The following AQR variants were observed in gnomAD, a reference collection of about 807,000 sequenced individuals.
AQR encodes aquarius intron-binding spliceosomal factor, also known as RNA helicase aquarius.
AQR carries 61 observed loss-of-function variants against 180.5 expected under a neutral mutation model. The ratio of observed to expected loss-of-function variants is 0.34; its 90% confidence interval spans 0.28 to 0.42. AQR has a LOEUF of 0.42. Among genes scored for constraint, AQR ranks in the 10% least tolerant of loss-of-function variants. The pLI, the probability that AQR is intolerant of heterozygous loss-of-function variation, is 1.00. For missense variants in AQR, 1,281 were observed against 1,798.3 expected (o/e 0.71, Z 5.20); for synonymous variants, 551 against 588.8 (o/e 0.94, Z 0.93).
chr15:34,874,224 T>A (rs1382696497), intron 29 of AQR: 1 of 417,292 alleles, frequency 2.4e-6, no homozygotes, highest in Non-Finnish European at 4.2e-6. Flanking sequence ...TCTATTACGC[T>A]CTCTGAGGTC....
chr15:34,923,814 A>T (rs1447228083), intron 13 of AQR, among the ~76,000 whole-genome samples: 2 of 152,190 alleles, frequency 1.3e-5, no homozygotes, highest in Admixed American at 6.5e-5. Flanking sequence ...TAATGTCTTG[A>T]TTACTATAGC....
At chr15:34,886,388 A>G in intron 25 of AQR, 138 bp downstream of exon 25, 1 of 761,320 alleles carries the variant, frequency 1.3e-6, no homozygotes. Flanking sequence ...ACATTCATAA[A>G]TATAGCACTT....
At chr15:34,957,725 A>AATAAT (rs1422170144) in intron 3 of AQR, among the ~76,000 whole-genome samples, 30 of 104,652 alleles carry the variant, frequency 2.9e-4, no homozygotes, top group Admixed American at 5.7e-4. Flanking sequence ...AAAAACATAA[A>AATAAT]AATAATAATA....
chr15:34,950,557 G>A (rs373686411), intron 4 of AQR, among the ~76,000 whole-genome samples: 8 of 150,724 alleles, frequency 5.3e-5, no homozygotes, highest in African/African-American at 1.9e-4. Context: ...CCTCCCCCAC[G>A]TCTATCCATT....
In AQR at chr15:34,900,807, C is replaced by A; in HGVS notation, c.2058G>T (p.Trp686Cys). Residue 686 changes from tryptophan to cysteine, a missense_variant, in exon 20 of 35, where the codon TGG becomes TGT. Physicochemically the swap from Trp to Cys is radical, Grantham distance 215. This residue lies in a region of AQR where 28 missense variants were observed against 75.3 expected (regional missense o/e 0.37). Transcript: ENST00000156471. ...LMNTDCVVPDWLHDIILGYGD... is the reference protein window; with the variant it reads ...LMNTDCVVPDCLHDIILGYGD... Reference sequence around the variant, plus strand: ...CATAACCTAAAATGATATCGTGCAGCCAGTCAGGTACCACACAATCAGTAT... The same window carrying A: ...CATAACCTAAAATGATATCGTGCAGACAGTCAGGTACCACACAATCAGTAT... 1 of 1,613,966 alleles carries A rather than the reference C, an allele frequency of 6.2e-7. No individual in the cohort carries two copies. The highest frequency in any genetic ancestry group is 8.5e-7 in the Non-Finnish European group (1 of 1,179,894).
chr15:34,900,465 T>A (rs1240575676), intron 20 of AQR, among the ~76,000 whole-genome samples, 157 bp downstream of exon 20: 1 of 152,220 alleles, frequency 6.6e-6, no homozygotes, highest in African/African-American at 2.4e-5. Flanking sequence ...GATTCAAATA[T>A]AATAAAGTTA....
At chr15:34,927,326 A>G (rs1245229947) in intron 12 of AQR, among the ~76,000 whole-genome samples, 188 bp from the exon 13 acceptor site, 3 of 152,204 alleles carry the variant, frequency 2.0e-5, no homozygotes, top group Non-Finnish European at 4.4e-5. Flanking sequence ...TACAACTGTC[A>G]TAACAGAAAT....
At chr15:34,915,254 A>G (rs1893563633) in intron 15 of AQR, 75 bp from the exon 16 acceptor site, 12 of 1,362,738 alleles carry the variant, frequency 8.8e-6, no homozygotes, top group Non-Finnish European at 1.2e-5. Context: ...TCACCTGCAC[A>G]ATCTCGTCTC....
At chr15:34,938,020 CT>C (rs1348259205) in intron 9 of AQR, among the ~76,000 whole-genome samples, 3 of 151,444 alleles carry the variant, frequency 2.0e-5, no homozygotes, top group Admixed American at 2.0e-4. Flanking sequence ...AGTCTTTTAG[CT>C]CATATCTCAG....
At chr15:34,934,673 C>T (rs750543945) in intron 9 of AQR, 38 bp from the exon 10 acceptor site, 3 of 1,427,568 alleles carry the variant, frequency 2.1e-6, no homozygotes, top group Non-Finnish European at 2.8e-6. Context: ...AATTTCCTTA[C>T]TAGGCCATTT....
rs1892568825 is a variant in AQR at position 34,855,002 on chromosome 15, T to C, written c.*1790A>G. On this transcript the variant is annotated 3_prime_UTR_variant, in exon 35 of 35. Coordinates refer to ENST00000156471, the MANE Select transcript of AQR (RefSeq NM_014691.3). ...CCATACAGATGCCCACAGCACCTGC[T>C]TTCAAAATCTTTTATCGGAGAAATT... The C allele has an allele frequency of 6.6e-6, 1 of 152,224 alleles. No individual in the cohort carries two copies. The highest frequency in any genetic ancestry group is 2.4e-5 in the African/African-American group (1 of 41,446). 9.4% of individuals were successfully genotyped at this position (152,224 alleles called of 1,614,324 possible).
At chr15:34,903,133 T>C (rs772251052) in intron 19 of AQR, among the ~76,000 whole-genome samples, 4 of 152,140 alleles carry the variant, frequency 2.6e-5, no homozygotes, top group Non-Finnish European at 5.9e-5. Context: ...TACCTGGGGA[T>C]AATTACCTAA....
At chr15:34,931,212 C>T (rs1464977553) in intron 11 of AQR, among the ~76,000 whole-genome samples, 1 of 152,068 alleles carries the variant, frequency 6.6e-6, no homozygotes. Flanking sequence ...CATCAAAGTC[C>T]TTTGGCTTAG....
intron 6 of AQR, among the ~76,000 whole-genome samples, chr15:34,944,040 G>C (rs1275139548): frequency 1.3e-5 from 2 of 152,086 alleles, no homozygotes; most frequent in African/African-American, 4.8e-5. Context: ...TTTTTCTTAA[G>C]AGTCTAGATA....
chr15:34,897,434 A>G (rs1893263719), intron 21 of AQR, 125 bp downstream of exon 21: 1 of 1,093,436 alleles, frequency 9.1e-7, no homozygotes, highest in Non-Finnish European at 1.3e-6. Context: ...ATAGAAAGAA[A>G]GAGGGTTCAG....
rs1004253946 is a variant in AQR at position 34,889,679 on chromosome 15, C to CT, written c.2681+535dup. ...TTATCATTAATCACTAATTTGCATT[C>CT]TTTTTTTTTTGAGACAGAGTCTTGC... On this transcript the variant is annotated intron_variant, in intron 24 of 34. Coordinates refer to ENST00000156471, the MANE Select transcript of AQR (RefSeq NM_014691.3). Among the ~76,000 whole-genome samples, 85 of 149,202 alleles carry CT rather than the reference C, an allele frequency of 5.7e-4. 1 individual carries two copies. The East Asian group carries it at 0.013, about 23-fold the overall frequency.
At chr15:34,927,299 A>C (rs1035374543) in intron 12 of AQR, among the ~76,000 whole-genome samples, 161 bp from the exon 13 acceptor site, 1 of 152,174 alleles carries the variant, frequency 6.6e-6, no homozygotes, top group Non-Finnish European at 1.5e-5. Context: ...GAAGCATATA[A>C]TAAAAAGAGA....
chr15:34,921,385 G>A (rs1174781684), intron 13 of AQR, among the ~76,000 whole-genome samples: 1 of 140,544 alleles, frequency 7.1e-6, no homozygotes, highest in Non-Finnish European at 1.5e-5. Flanking sequence ...AGTGAGCCGA[G>A]ATTGCACCAC....
chr15:34,904,193 AAG>A (rs1312249622), intron 19 of AQR, 141 bp downstream of exon 19: 1 of 474,122 alleles, frequency 2.1e-6, no homozygotes. Context: ...TTAAAAGTTT[AAG>A]AGGATTGCTT....
Sources: gnomAD v4.1 joint callset for allele counts (sites outside exome capture counted in the v4.1 genomes callset) on GRCh38, gnomAD v4.1.1 for gene constraint, gnomAD v4.1.1 regional missense constraint, MANE v1.5 for transcripts, NCBI Gene and HGNC (gene_info 2026-07-23, HGNC 2026-07-21) for gene names.